Variants in KANK1 observed in about 807,000 individuals in gnomAD.
The protein encoded by KANK1 is KN motif and ankyrin repeat domain-containing protein 1.
Under a neutral mutation model 106.2 loss-of-function variants are expected in KANK1, and 109 were observed. The ratio of observed to expected loss-of-function variants is 1.03; its 90% CI spans 0.88 to 1.20. The LOEUF (loss-of-function observed/expected upper bound fraction) is 1.20. Ranked by LOEUF, KANK1 falls within the 50% of genes most tolerant of loss-of-function variation. The pLI, the probability that KANK1 is intolerant of heterozygous loss-of-function variation, is 0.00. For synonymous variants in KANK1, 873 were observed against 652.2 expected, an observed-to-expected ratio of 1.34 and a Z score of -5.16; for missense variants, 2,399 against 1,710.7, an observed-to-expected ratio of 1.40 and a Z score of -7.10.
In KANK1 at chr9:699,143, G is replaced by T. The variant is rs969789046; in HGVS notation, c.38-11661G>T. Among the ~76,000 whole-genome samples, 13 of 152,250 alleles carry T rather than the reference G, an allele frequency of 8.5e-5. No individual in the cohort carries two copies. In the South Asian group the frequency reaches 1.0e-3, roughly 12 times the overall value. Reference sequence around the variant, plus strand: ...ACTCCTTAGCTACCGCTCCCTTGAAGAACCCTCCCTACCCGTAGCCTAGGC... The same window carrying T: ...ACTCCTTAGCTACCGCTCCCTTGAATAACCCTCCCTACCCGTAGCCTAGGC... On this transcript the variant is annotated intron_variant, in intron 2 of 11. Transcript: ENST00000382297.
At chr9:691,780 A>T (rs1358716977) in intron 2 of KANK1, among the ~76,000 whole-genome samples, 6 of 130,962 alleles carry the variant, frequency 4.6e-5, no homozygotes, top group East Asian at 4.4e-4. Flanking sequence ...CACCTAGCTA[A>T]TTTTTTTTTT....
intron 1 of KANK1, among the ~76,000 whole-genome samples, chr9:514,140 C>CT (rs2059159915): frequency 1.1e-5 from 1 of 89,226 alleles, no homozygotes; most frequent in African/African-American, 7.4e-5. Flanking sequence ...CCCTCCCTCC[C>CT]TCCCTTCCTC....
At chr9:709,864 G>A (rs554101380) in intron 2 of KANK1, among the ~76,000 whole-genome samples, 3 of 152,078 alleles carry the variant, frequency 2.0e-5, no homozygotes, top group Non-Finnish European at 4.4e-5. Context: ...TGATCCACCC[G>A]CCTTGGCCTC....
At chr9:529,234 T>TATACACAC (rs1554613765) in intron 1 of KANK1, among the ~76,000 whole-genome samples, 3 of 148,704 alleles carry the variant, frequency 2.0e-5, no homozygotes, top group African/African-American at 7.5e-5. Flanking sequence ...TATATATATA[T>TATACACAC]ACACACACAC....
chr9:593,312 A>G lies in KANK1; in HGVS notation c.-83-83578A>G, dbSNP rs180740839. Reference sequence around the variant, plus strand: ...AGATGTGCCCATTCTCACATATTCAAACAATAAAACATACAGACAAAAAAA... The same window carrying G: ...AGATGTGCCCATTCTCACATATTCAGACAATAAAACATACAGACAAAAAAA... On this transcript the variant is annotated intron_variant, in intron 1 of 11. Coordinates refer to ENST00000382297, the MANE Select transcript of KANK1 (RefSeq NM_015158.5). 7.5e-4 allele frequency among the ~76,000 whole-genome samples: 114 copies of G among 152,004 alleles called. 4 individuals are homozygous for G. Among genetic ancestry groups the G allele is most frequent in the African/African-American group, 2.6e-3 (108 of 41,290 alleles).
intron 1 of KANK1, among the ~76,000 whole-genome samples, chr9:584,355 A>G (rs1186809924): frequency 6.6e-6 from 1 of 152,358 alleles, no homozygotes; most frequent in Non-Finnish European, 1.5e-5. Context: ...AGGCGGTTCA[A>G]CAAAGTGCTA....
At chr9:481,966 C>A (rs983610710) in intron 3 of KANK1, among the ~76,000 whole-genome samples, 1 of 152,130 alleles carries the variant, frequency 6.6e-6, no homozygotes, top group African/African-American at 2.4e-5. Context: ...ATGCTTGGAT[C>A]CTTCTGAACC....
At chr9:665,413 T>G (rs1844343722) in intron 1 of KANK1, among the ~76,000 whole-genome samples, 1 of 152,214 alleles carries the variant, frequency 6.6e-6, no homozygotes, top group South Asian at 2.1e-4. Flanking sequence ...TGCCATTTAT[T>G]GAAGAGACTG....
At chr9:608,505 G>T (rs1563852603) in intron 1 of KANK1, among the ~76,000 whole-genome samples, 1 of 151,742 alleles carries the variant, frequency 6.6e-6, no homozygotes, top group Non-Finnish European at 1.5e-5. Context: ...TTGTTTCAGA[G>T]CATGTGAGAT....
chr9:496,131 C>T (rs539675038), intron 3 of KANK1, among the ~76,000 whole-genome samples: 96 of 152,324 alleles, frequency 6.3e-4, no homozygotes, highest in African/African-American at 2.2e-3. Context: ...GAGCCCCATT[C>T]TTCTTGTCTG....
chr9:615,110 T>C (rs1831492515), intron 1 of KANK1, among the ~76,000 whole-genome samples: 1 of 152,068 alleles, frequency 6.6e-6, no homozygotes, highest in Admixed American at 6.6e-5. Context: ...CAGCTAATTT[T>C]TAATTTTTTG....
At chr9:633,172 C>A (rs1836191889) in intron 1 of KANK1, among the ~76,000 whole-genome samples, 1 of 152,092 alleles carries the variant, frequency 6.6e-6, no homozygotes, top group Admixed American at 6.5e-5. Context: ...AGAACCCAAC[C>A]CTTGACCGGG....
intron 1 of KANK1, among the ~76,000 whole-genome samples, chr9:671,054 T>G (rs1281905155): frequency 6.6e-6 from 1 of 151,140 alleles, no homozygotes; most frequent in African/African-American, 2.4e-5. Context: ...ATCTCGATGG[T>G]GTATATTTAT....
rs535377748 is a variant in KANK1, at chr9:513,340, TCTTG to T, written c.-84+8590_-84+8593del. Among the ~76,000 whole-genome samples the T allele has an allele frequency of 3.8e-3, 584 of 152,352 alleles. 4 individuals carry two copies. The highest frequency in any genetic ancestry group is 6.9e-3 in the Non-Finnish European group (466 of 68,024). On this transcript the variant is annotated intron_variant, in intron 1 of 11. Transcript: ENST00000382297. ...GATGTGCTGTCAGAAATAAGTGCTC[TCTTG>T]CTTTTTTCATTACCAAAGCAATCAG...
At chr9:638,262 G>A (rs959724309) in intron 1 of KANK1, among the ~76,000 whole-genome samples, 2 of 152,162 alleles carry the variant, frequency 1.3e-5, no homozygotes, top group East Asian at 1.9e-4. Context: ...AGCTATGGAG[G>A]CTGAGAAGTC....
intron 1 of KANK1, among the ~76,000 whole-genome samples, chr9:642,217 C>T (rs763777541): frequency 1.3e-5 from 2 of 151,376 alleles, no homozygotes; most frequent in Non-Finnish European, 2.9e-5. Context: ...TGACTTGTTA[C>T]CTCTGTATCA....
At chr9:721,118 T>C (rs1368666319) in intron 3 of KANK1, among the ~76,000 whole-genome samples, 1 of 152,194 alleles carries the variant, frequency 6.6e-6, no homozygotes, top group Non-Finnish European at 1.5e-5. Context: ...GAATGGCATG[T>C]TTACAGAGTG....
intron 3 of KANK1, among the ~76,000 whole-genome samples, chr9:499,031 A>C (rs2058504359): frequency 6.6e-6 from 1 of 152,060 alleles, no homozygotes; most frequent in Non-Finnish European, 1.5e-5. Flanking sequence ...AAAAAAAATT[A>C]GCCAGGCGTG....
chr9:555,898 T>A (rs2061554543), intron 1 of KANK1, among the ~76,000 whole-genome samples: 1 of 152,248 alleles, frequency 6.6e-6, no homozygotes, highest in Non-Finnish European at 1.5e-5. Context: ...AAACAACTTT[T>A]AACCTTCATG....
Sources: gnomAD v4.1 joint callset for allele counts (sites outside exome capture counted in the v4.1 genomes callset) on GRCh38, gnomAD v4.1.1 for gene constraint, MANE v1.5 for transcripts, NCBI Gene and HGNC (gene_info 2026-07-23, HGNC 2026-07-21) for gene names.